The following PLK4 variants were observed in gnomAD, a reference collection of about 807,000 sequenced individuals.
The protein encoded by PLK4 is polo like kinase 4.
In PLK4, 51 loss-of-function variants were observed where a neutral mutation model predicts 103.0. The observed-to-expected ratio is 0.50, with a 90% confidence interval of 0.40 to 0.63. PLK4 has a LOEUF of 0.63. Among genes scored for constraint, PLK4 ranks in the 20% least tolerant of loss-of-function variants. The pLI is 0.00. For missense variants in PLK4, 1,054 were observed against 1,151.0 expected (o/e 0.92, Z 1.22); for synonymous variants, 389 against 376.8 (o/e 1.03, Z -0.38).
At position 127,898,459 on chromosome 4, in the gene PLK4, T is replaced by A; in HGVS notation, c.2831T>A (p.Leu944Ter). The A allele has an allele frequency of 6.4e-7, 1 of 1,554,256 alleles. No homozygotes were observed. Among genetic ancestry groups the A allele is most frequent in the Non-Finnish European group, 8.8e-7 (1 of 1,132,134 alleles). The change falls in exon 16 of 16, where the codon TTA becomes TAA. Residue 944 changes from leucine (L) to a stop codon, truncating the protein, a stop_gained. Coordinates refer to ENST00000270861, the MANE Select transcript of PLK4 (RefSeq NM_014264.5). LOFTEE classifies it high-confidence loss of function. ...CTTAGGTATGGAGAAAATGAAAAAT[T>A]ACCAGACTACATCAAACAGAAATTA... Reference protein sequence around the residue: ...QTTRYGENEKLPDYIKQKLQC... With the variant: ...QTTRYGENEK
In PLK4 at chr4:127,898,681, A is replaced by G; in HGVS notation, c.*140A>G. On this transcript the variant is annotated 3_prime_UTR_variant, in exon 16 of 16. Transcript: ENST00000270861. ...TTTTAACCTATAATGTAAAGGATGT[A>G]TTCTGAGAGAACAAAGCAGAATGAA... 1 of 564,942 alleles carries G rather than the reference A, an allele frequency of 1.8e-6. No individual in the cohort carries two copies. The highest frequency in any genetic ancestry group is 3.1e-6 in the Non-Finnish European group (1 of 320,972). The allele number at this position is 564,942 out of a possible 1,614,324, so 35.0% of individuals were successfully genotyped here.
intron 1 of PLK4, 104 bp from the exon 2 acceptor site, chr4:127,881,727 G>A: frequency 1.4e-6 from 1 of 734,694 alleles, no homozygotes; most frequent in East Asian, 2.7e-5. Context: ...CTTGAATTTT[G>A]TCAAATTCCC....
intron 5 of PLK4, 106 bp from the exon 6 acceptor site, chr4:127,887,290 G>A (rs1735172397): frequency 1.5e-6 from 1 of 653,794 alleles, no homozygotes; most frequent in South Asian, 1.9e-5. Flanking sequence ...ATTCTAAAAT[G>A]TTCAGGTATT....
At chr4:127,892,541 T>G (rs770771837) in intron 10 of PLK4, 27 bp downstream of exon 10, 1 of 1,580,646 alleles carries the variant, frequency 6.3e-7, no homozygotes. Flanking sequence ...AATGGTAATT[T>G]GTTCCTTTAG....
At chr4:127,897,433 G>T (rs1735610810) in intron 15 of PLK4, among the ~76,000 whole-genome samples, 1 of 152,218 alleles carries the variant, frequency 6.6e-6, no homozygotes, top group Admixed American at 6.5e-5. Context: ...AAAACAAGGA[G>T]TTATTTGCTT....
intron 1 of PLK4, 114 bp downstream of exon 1, chr4:127,881,278 G>T: frequency 6.4e-7 from 1 of 1,571,316 alleles, no homozygotes; most frequent in Non-Finnish European, 8.6e-7. Flanking sequence ...GGGCACCGAG[G>T]TGCTTAGGGA....
At chr4:127,894,235 G>GTT (rs930091208) in intron 13 of PLK4, among the ~76,000 whole-genome samples, 1 of 146,606 alleles carries the variant, frequency 6.8e-6, no homozygotes. Flanking sequence ...TACATATGTA[G>GTT]TTTTTTTTTT....
rs1305291662 is a variant in PLK4, at chr4:127,891,594, C to T, written c.1951C>T (p.Pro651Ser). 4 of 1,513,438 alleles carry T rather than the reference C, an allele frequency of 2.6e-6. No individual in the cohort carries two copies. The African/African-American group carries it at 5.5e-5, about 21-fold the overall frequency. 93.8% of individuals were successfully genotyped at this position (1,513,438 alleles called of 1,614,324 possible). A position where few individuals can be genotyped will look rare whatever the true frequency, so the allele number is the denominator to read the frequency against. ...CTTTTGGCAGATCACTATTTATTAT[C>T]CAAATGGTGGTAGAGGTTTTCCTCT... is the stretch of plus-strand genomic sequence containing the variant. ...SDGNTITIYY[P>S]NGGRGFPLAD... The change falls in exon 9 of 16, where the codon CCA becomes TCA. Residue 651 changes from proline (P) to serine (S), a missense_variant. Pro to Ser is a moderately conservative substitution (Grantham distance 74). Transcript: ENST00000270861.
At chr4:127,887,255 T>TA (rs759763740) in intron 5 of PLK4, 141 bp from the exon 6 acceptor site, 8 of 593,428 alleles carry the variant, frequency 1.3e-5, no homozygotes, top group Non-Finnish European at 2.4e-5. Flanking sequence ...ATAGCATAGT[T>TA]ATGCCAATAT....
At position 127,883,446 on chromosome 4, in the gene PLK4, A is replaced by T. The variant is rs1269278854; in HGVS notation, c.230A>T (p.Asn77Ile). Residue 77 changes from asparagine (N) to isoleucine (I), a missense_variant, in exon 4 of 16, where the codon AAC becomes ATC. Physicochemically the swap from Asn to Ile is moderately radical, Grantham distance 149. Transcript: ENST00000270861. ...LKHPSILELY[N>I]YFEDSNYVYL... is the part of the protein sequence containing the mutation. The stretch of plus-strand genomic sequence containing the variant: ...TGCCCTTTCACATTTCAGCTTTATA[A>T]CTATTTTGAAGATAGCAATTATGTG... 6.8e-7 allele frequency: 1 copy of T among 1,476,944 alleles called. No homozygotes were observed. Among genetic ancestry groups the T allele is most frequent in the East Asian group, 2.3e-5 (1 of 44,100 alleles). The allele number at this position is 1,476,944 out of a possible 1,614,324, so 91.5% of individuals were successfully genotyped here. A position where few individuals can be genotyped will look rare whatever the true frequency, so the allele number is the denominator to read the frequency against.
intron 1 of PLK4, 98 bp downstream of exon 1, chr4:127,881,262 C>T (rs1578748201): frequency 1.8e-5 from 28 of 1,588,744 alleles, no homozygotes; most frequent in Non-Finnish European, 2.3e-5. Context: ...CTAACGGCTG[C>T]GGGGCGGGCA....
chr4:127,895,195 C>G, intron 14 of PLK4, 102 bp downstream of exon 14: 4 of 803,622 alleles, frequency 5.0e-6, no homozygotes, highest in Non-Finnish European at 7.4e-6. Flanking sequence ...GTAATGATAT[C>G]TTTTTACAAG....
chr4:127,881,302 C>T lies in PLK4; in HGVS notation c.30+138C>T, dbSNP rs1734909752. On this transcript the variant is annotated intron_variant, in intron 1 of 15. Transcript: ENST00000270861. Reference sequence around the variant, plus strand: ...GGTGCTTAGGGAGGGTCCCAACGGCCCAGACCCCTGCTGTTTAGGGGCGGA... The same window carrying T: ...GGTGCTTAGGGAGGGTCCCAACGGCTCAGACCCCTGCTGTTTAGGGGCGGA... The T allele has an allele frequency of 1.9e-5, 29 of 1,534,012 alleles. 1 individual carries two copies. In the South Asian group the frequency reaches 3.1e-4, roughly 17 times the overall value.
chr4:127,885,006 CT>C (rs372035128), intron 4 of PLK4, among the ~76,000 whole-genome samples: 1 of 151,476 alleles, frequency 6.6e-6, no homozygotes, highest in African/African-American at 2.4e-5. Context: ...TTAGCTTTTT[CT>C]TTTTTTTAAC....
chr4:127,883,815 T>C (rs1013909573), intron 4 of PLK4, among the ~76,000 whole-genome samples: 3 of 152,216 alleles, frequency 2.0e-5, no homozygotes, highest in Admixed American at 2.0e-4. Context: ...AGCAGTTTAC[T>C]GTGTATCTTT....
intron 1 of PLK4, chr4:127,881,457 A>G (rs1458447408): frequency 4.1e-6 from 5 of 1,228,784 alleles, no homozygotes; most frequent in Non-Finnish European, 5.4e-6. Flanking sequence ...AGAGCAGGGC[A>G]GGGCTACCTC....
chr4:127,895,762 T>C (rs1578769001), intron 14 of PLK4, among the ~76,000 whole-genome samples: 1 of 152,076 alleles, frequency 6.6e-6, no homozygotes, highest in East Asian at 1.9e-4. Context: ...AAAGGATTTT[T>C]CCATTAAAAG....
rs1457297849 is a variant in PLK4 at position 127,893,289 on chromosome 4, A to G, written c.2193A>G (p.Val731=). 1.3e-6 allele frequency: 2 copies of G among 1,559,164 alleles called. No homozygotes were observed. The highest frequency in any genetic ancestry group is 1.7e-6 in the Non-Finnish European group (2 of 1,151,448). ...ADFEVWFYDG[V]KIHKTEDFIQ... ...TTTCTGATTTTTTTTTTTTAGGGGT[A>G]AAAATACACAAAACAGAAGATTTCA... Residue 731 remains valine (V), a synonymous_variant, in exon 11 of 16, where the codon GTA becomes GTG. Transcript: ENST00000270861.
intron 15 of PLK4, among the ~76,000 whole-genome samples, chr4:127,897,159 C>G (rs1054042075): frequency 3.3e-5 from 5 of 152,090 alleles, no homozygotes; most frequent in African/African-American, 1.2e-4. Context: ...CCTTACTGTT[C>G]CATAGTGTAA....
Sources: gnomAD v4.1 joint callset for allele counts (sites outside exome capture counted in the v4.1 genomes callset) on GRCh38, gnomAD v4.1.1 for gene constraint, MANE v1.5 for transcripts, NCBI Gene and HGNC (gene_info 2026-07-23, HGNC 2026-07-21) for gene names.